The following MAML3 variants were observed in gnomAD, a reference collection of about 807,000 sequenced individuals.
MAML3 encodes the protein mastermind-like protein 3.
Under a neutral mutation model 101.9 loss-of-function variants are expected in MAML3, and 27 were observed. The observed-to-expected ratio is 0.27, with a 90% CI of 0.20 to 0.37. The LOEUF (loss-of-function observed/expected upper bound fraction) is 0.37. Among genes scored for constraint, MAML3 ranks in the 10% least tolerant of loss-of-function variants. The pLI, the probability that MAML3 is intolerant of heterozygous loss-of-function variation, is 1.00. For synonymous variants in MAML3, 501 were observed against 555.9 expected (o/e 0.90, Z 1.39); for missense variants, 1,316 against 1,444.9 (o/e 0.91, Z 1.45).
chr4:139,901,842 T>G (rs1026846186), intron 1 of MAML3, among the ~76,000 whole-genome samples: 1 of 152,206 alleles, frequency 6.6e-6, no homozygotes, highest in Non-Finnish European at 1.5e-5. Flanking sequence ...TCAACAATCT[T>G]TTTATTTCAT....
chr4:139,755,361 C>T (rs865853617), intron 2 of MAML3, among the ~76,000 whole-genome samples: 11 of 152,202 alleles, frequency 7.2e-5, no homozygotes, highest in Admixed American at 3.3e-4. Context: ...CCAGCACAGG[C>T]GTGCTGGGAG....
chr4:140,100,646 T>TA (rs112694604), intron 1 of MAML3, among the ~76,000 whole-genome samples: 2,562 of 144,940 alleles, frequency 0.018, 55 homozygotes, highest in African/African-American at 0.051. Flanking sequence ...TTAGGTGTAT[T>TA]AAAAAAAAAA....
intron 2 of MAML3, among the ~76,000 whole-genome samples, chr4:139,786,573 A>T (rs1173980340): frequency 6.6e-6 from 1 of 152,202 alleles, no homozygotes; most frequent in East Asian, 1.9e-4. Context: ...TTGAACTGAG[A>T]AAATGCTGTG....
intron 2 of MAML3, among the ~76,000 whole-genome samples, chr4:139,810,775 A>G (rs1730783333): frequency 6.6e-6 from 1 of 152,194 alleles, no homozygotes; most frequent in African/African-American, 2.4e-5. Flanking sequence ...CTACTGTGGT[A>G]GACACCACTG....
At chr4:139,996,540 CTG>C (rs1734818093) in intron 1 of MAML3, among the ~76,000 whole-genome samples, 1 of 151,934 alleles carries the variant, frequency 6.6e-6, no homozygotes, top group Admixed American at 6.6e-5. Context: ...TGAAATATCC[CTG>C]TCTCTAGTAA....
chr4:139,977,794 A>G (rs1734369781), intron 1 of MAML3, among the ~76,000 whole-genome samples: 1 of 151,926 alleles, frequency 6.6e-6, no homozygotes, highest in African/African-American at 2.4e-5. Flanking sequence ...AATTGCTGGA[A>G]CCCAGGAGGC....
chr4:140,066,792 C>T (rs1560882606), intron 1 of MAML3, among the ~76,000 whole-genome samples: 1 of 152,240 alleles, frequency 6.6e-6, no homozygotes, highest in Non-Finnish European at 1.5e-5. Flanking sequence ...ATCCCACCAA[C>T]TGCTGCTTCC....
chr4:139,948,101 A>AAACTAAAT (rs1553965593), intron 1 of MAML3, among the ~76,000 whole-genome samples: 1 of 143,140 alleles, frequency 7.0e-6, no homozygotes, highest in Non-Finnish European at 1.5e-5. Flanking sequence ...ACTCCATCTC[A>AAACTAAAT]AAATAAATAA....
intron 1 of MAML3, among the ~76,000 whole-genome samples, chr4:140,037,881 A>G (rs911646551): frequency 6.6e-6 from 1 of 152,236 alleles, no homozygotes; most frequent in African/African-American, 2.4e-5. Context: ...GCTCTGCTGT[A>G]TGGGGCTCTC....
At chr4:139,854,134 T>A (rs1386452044) in intron 2 of MAML3, among the ~76,000 whole-genome samples, 2 of 152,076 alleles carry the variant, frequency 1.3e-5, no homozygotes, top group Non-Finnish European at 2.9e-5. Flanking sequence ...CATTTTTTTT[T>A]ATCCTTTCTA....
At chr4:139,965,156 G>C (rs1356275767) in intron 1 of MAML3, among the ~76,000 whole-genome samples, 2 of 150,646 alleles carry the variant, frequency 1.3e-5, no homozygotes, top group Non-Finnish European at 2.9e-5. Flanking sequence ...CTGAAAAGTA[G>C]AAGTCCATGA....
intron 2 of MAML3, among the ~76,000 whole-genome samples, chr4:139,800,609 G>A (rs1005197795): frequency 7.9e-5 from 12 of 152,186 alleles, no homozygotes; most frequent in African/African-American, 2.7e-4. Flanking sequence ...TAGCAACGAA[G>A]GAGGCCTCCG....
chr4:139,925,177 C>T (rs1407899589), intron 1 of MAML3, among the ~76,000 whole-genome samples: 1 of 152,090 alleles, frequency 6.6e-6, no homozygotes, highest in African/African-American at 2.4e-5. Flanking sequence ...CCTCAATCTG[C>T]AATGTGCAAG....
At chr4:140,089,166 G>A (rs143814072) in intron 1 of MAML3, among the ~76,000 whole-genome samples, 1 of 152,174 alleles carries the variant, frequency 6.6e-6, no homozygotes, top group East Asian at 1.9e-4. Context: ...CAAAGATATG[G>A]ATGTGCCTCA....
chr4:140,128,665 G>C (rs987023852), intron 1 of MAML3, among the ~76,000 whole-genome samples: 4 of 152,184 alleles, frequency 2.6e-5, no homozygotes, highest in African/African-American at 7.2e-5. Flanking sequence ...TGGTCCTCTA[G>C]ATGTGTGCTC....
At position 139,816,351 on chromosome 4, in the gene MAML3, G is replaced by A. The variant is rs1278536281; in HGVS notation, c.2079+73006C>T. On this transcript the variant is annotated intron_variant, in intron 2 of 4. Transcript: ENST00000509479. Reference sequence around the variant, plus strand: ...GGATAAAATGGGCTGAAATCGATGAGCAGCAGTGCGGCCGACCCTCTGGTA... The same window carrying A: ...GGATAAAATGGGCTGAAATCGATGAACAGCAGTGCGGCCGACCCTCTGGTA... Among the ~76,000 whole-genome samples the A allele has an allele frequency of 1.4e-4, 21 of 152,188 alleles. 1 individual carries two copies. Among genetic ancestry groups the A allele is most frequent in the Non-Finnish European group, 2.8e-4 (19 of 68,036 alleles).
chr4:139,855,819 G>A (rs1245766645), intron 2 of MAML3, among the ~76,000 whole-genome samples: 1 of 152,158 alleles, frequency 6.6e-6, no homozygotes, highest in Non-Finnish European at 1.5e-5. Flanking sequence ...AATTTTATGA[G>A]TCCACAGGAA....
intron 1 of MAML3, among the ~76,000 whole-genome samples, chr4:139,893,711 C>T (rs1290714645): frequency 6.6e-6 from 1 of 152,008 alleles, no homozygotes; most frequent in East Asian, 1.9e-4. Flanking sequence ...AGAGTGTTAT[C>T]CACTTAACTG....
intron 4 of MAML3, among the ~76,000 whole-genome samples, chr4:139,725,375 C>T (rs530260228): frequency 7.2e-5 from 11 of 152,110 alleles, no homozygotes; most frequent in South Asian, 2.1e-4. Context: ...ACTAAGATGA[C>T]GATCTAAACA....
Sources: allele counts gnomAD v4.1 joint callset (sites outside exome capture counted in the v4.1 genomes callset), GRCh38; gene constraint gnomAD v4.1.1; transcripts MANE v1.5; gene names NCBI Gene and HGNC (gene_info 2026-07-23, HGNC 2026-07-21).